GALNT8: variants seen among roughly 807,000 people sequenced by gnomAD.
GALNT8 encodes the protein polypeptide N-acetylgalactosaminyltransferase 8.
Under a neutral mutation model 62.7 loss-of-function variants are expected in GALNT8, and 66 were observed. That is an observed-to-expected ratio of 1.05 (90% CI 0.86 to 1.29). The LOEUF (loss-of-function observed/expected upper bound fraction) is 1.29. Among genes scored for constraint, GALNT8 ranks in the 50% most tolerant of loss-of-function variants. The pLI, the probability that GALNT8 is intolerant of heterozygous loss-of-function variation, is 0.00. For missense variants in GALNT8, 771 were observed against 791.8 expected, an observed-to-expected ratio of 0.97 and a Z score of 0.32; for synonymous variants, 288 against 294.3, an observed-to-expected ratio of 0.98 and a Z score of 0.22.
rs755494737 is a variant in GALNT8 at position 4,761,140 on chromosome 12, C to G, written c.1356C>G (p.Leu452=). Residue 452 remains leucine (L), a synonymous_variant, in exon 7 of 11, where the codon CTC becomes CTG. Coordinates refer to ENST00000252318, the MANE Select transcript of GALNT8 (RefSeq NM_017417.2). ...HMVYLAWNIP[L]QNSGIDFGDV... ...TCTACTTGGCCTGGAACATACCTCTCCAGGTGAGTCATGGAATTGAACAGC... is the reference window on the plus strand; with the variant it reads ...TCTACTTGGCCTGGAACATACCTCTGCAGGTGAGTCATGGAATTGAACAGC... 8.7e-6 allele frequency: 14 copies of G among 1,612,390 alleles called. No homozygotes were observed. The South Asian group carries it at 9.9e-5, about 11-fold the overall frequency.
chr12:4,737,089 G>A lies in GALNT8; in HGVS notation c.510-2074G>A, dbSNP rs138113036. 2.7e-3 allele frequency among the ~76,000 whole-genome samples: 411 copies of A among 152,186 alleles called. 1 individual carries two copies. Among genetic ancestry groups the A allele is most frequent in the African/African-American group, 9.7e-3 (401 of 41,514 alleles). ...GTACAATAATAAAAATGAAGAGTTCGACTTTCATTTTCTGGTCTGGCTTTT... is the reference window on the plus strand; with the variant it reads ...GTACAATAATAAAAATGAAGAGTTCAACTTTCATTTTCTGGTCTGGCTTTT... On this transcript the variant is annotated intron_variant, in intron 2 of 10. Coordinates refer to ENST00000252318, the MANE Select transcript of GALNT8 (RefSeq NM_017417.2).
chr12:4,733,080 A>G (rs1222409917), intron 2 of GALNT8, among the ~76,000 whole-genome samples: 1 of 152,234 alleles, frequency 6.6e-6, no homozygotes, highest in East Asian at 1.9e-4. Context: ...CTTTTTCAGT[A>G]TCTTCTGCTG....
At position 4,720,880 on chromosome 12, in the gene GALNT8, A is replaced by G. The variant is rs1307613638; in HGVS notation, c.203A>G (p.Gln68Arg). The G allele has an allele frequency of 1.9e-6, 3 of 1,576,904 alleles. No individual in the cohort carries two copies. Among genetic ancestry groups the G allele is most frequent in the African/African-American group, 2.7e-5 (2 of 74,164 alleles). The part of the protein sequence containing the change: ...KRLSHLEVEL[Q>R]DLKESMKLAL... The stretch of plus-strand genomic sequence containing the variant: ...CTCTCCCACTTGGAGGTGGAATTGC[A>G]GGATCTGAGTAAGTTTACAATGCTA... Residue 68 changes from glutamine to arginine, a missense_variant, in exon 1 of 11, where the codon CAG (glutamine) becomes CGG (arginine). Gln to Arg is a conservative substitution (Grantham distance 43). Transcript: ENST00000252318.
intron 6 of GALNT8, among the ~76,000 whole-genome samples, chr12:4,758,149 G>T (rs1186616036): frequency 2.0e-5 from 3 of 151,072 alleles, no homozygotes. Context: ...TTTTTTTTTG[G>T]ATCAAGCAGT....
At chr12:4,721,027 A>C in intron 1 of GALNT8, 139 bp downstream of exon 1, 1 of 634,004 alleles carries the variant, frequency 1.6e-6, no homozygotes, top group Non-Finnish European at 2.9e-6. Context: ...TCTGACACTG[A>C]ATTCTGTGCC....
intron 2 of GALNT8, among the ~76,000 whole-genome samples, chr12:4,734,829 T>C (rs1160299813): frequency 1.3e-5 from 2 of 151,838 alleles, no homozygotes; most frequent in African/African-American, 2.4e-5. Flanking sequence ...CTCCAAGGAG[T>C]GTGTGCTTTT....
chr12:4,751,408 C>T lies in GALNT8; in HGVS notation c.1173+5150C>T, dbSNP rs570962203. 7.2e-5 allele frequency among the ~76,000 whole-genome samples: 11 copies of T among 152,128 alleles called. No individual in the cohort carries two copies. In the South Asian group the frequency reaches 2.1e-3, roughly 29 times the overall value. The stretch of plus-strand genomic sequence containing the variant: ...ATGTAGGCACTTAGAATAAACATTC[C>T]TCTTAGTACTGTTTTTGCTATATTC... On this transcript the variant is annotated intron_variant, in intron 6 of 10. Transcript: ENST00000252318.
chr12:4,745,525 G>C lies in GALNT8; in HGVS notation c.957G>C (p.Lys319Asn). The C allele has an allele frequency of 6.2e-7, 1 of 1,613,276 alleles. No individual in the cohort carries two copies. The highest frequency in any genetic ancestry group is 8.5e-7 in the Non-Finnish European group (1 of 1,179,208). Reference sequence around the variant, plus strand: ...GTTTTGACACCTTCAAACTGGATAAGTATGAACTGGCAGTTGATGGGTTTA... The same window carrying C: ...GTTTTGACACCTTCAAACTGGATAACTATGAACTGGCAGTTGATGGGTTTA... ...NIRFDTFKLD[K>N]YELAVDGFNW... Residue 319 changes from lysine (K) to asparagine (N), a missense_variant, in exon 5 of 11, where the codon AAG becomes AAC. By Grantham distance (94) the Lys-to-Asn change is moderately conservative. Coordinates refer to ENST00000252318, the MANE Select transcript of GALNT8 (RefSeq NM_017417.2).
intron 1 of GALNT8, among the ~76,000 whole-genome samples, chr12:4,723,750 CTT>C (rs539656719): frequency 1.8e-4 from 23 of 124,888 alleles, no homozygotes; most frequent in African/African-American, 5.6e-4. Context: ...ATCACCAATG[CTT>C]TTTTTTTTTT....
At chr12:4,754,826 A>T (rs941510149) in intron 6 of GALNT8, among the ~76,000 whole-genome samples, 1 of 151,848 alleles carries the variant, frequency 6.6e-6, no homozygotes, top group African/African-American at 2.4e-5. Flanking sequence ...TGCTGCCAGG[A>T]CTGGGTCCTT....
At chr12:4,766,203 C>T (rs1305825714) in intron 10 of GALNT8, among the ~76,000 whole-genome samples, 1 of 151,898 alleles carries the variant, frequency 6.6e-6, no homozygotes, top group African/African-American at 2.4e-5. Context: ...AACACTGAGT[C>T]TCTTGACTAA....
rs118149916 is a variant in GALNT8, at chr12:4,746,146, G to A, written c.1061G>A (p.Ser354Asn). The A allele has an allele frequency of 3.5e-5, 56 of 1,581,664 alleles. No individual in the cohort carries two copies. The East Asian group carries it at 1.1e-3, about 32-fold the overall frequency. ...GACTCTTGCTGTGTGCTCTGTAGGA[G>A]TCCTTCAATCATGGGCATCCTGGCT... ...DLHDVTAPVK[S>N]PSIMGILAAN... The change falls in exon 6 of 11, where the codon AGT (serine) becomes AAT (asparagine). Residue 354 changes from serine (S) to asparagine (N), a missense_variant and splice_region_variant. By Grantham distance (46) the Ser-to-Asn change is conservative (BLOSUM62 1). Transcript: ENST00000252318.
chr12:4,723,710 C>G (rs959331316), intron 1 of GALNT8, among the ~76,000 whole-genome samples: 1 of 150,470 alleles, frequency 6.6e-6, no homozygotes, highest in Non-Finnish European at 1.5e-5. Flanking sequence ...TGAGTTGAAC[C>G]TCAAAAAGTC....
At chr12:4,751,628 G>A (rs1177458814) in intron 6 of GALNT8, among the ~76,000 whole-genome samples, 4 of 152,032 alleles carry the variant, frequency 2.6e-5, no homozygotes, top group African/African-American at 9.7e-5. Context: ...AGATGCATGC[G>A]ATTATTTTTA....
At chr12:4,756,532 T>C (rs1455081271) in intron 6 of GALNT8, among the ~76,000 whole-genome samples, 1 of 152,096 alleles carries the variant, frequency 6.6e-6, no homozygotes, top group Non-Finnish European at 1.5e-5. Context: ...ATGCTGTCTC[T>C]GCTAAGTCAC....
At chr12:4,741,859 C>A (rs535326171) in intron 3 of GALNT8, among the ~76,000 whole-genome samples, 1 of 152,298 alleles carries the variant, frequency 6.6e-6, no homozygotes, top group African/African-American at 2.4e-5. Context: ...GTCAGCCATT[C>A]TTTGGTGTTA....
intron 2 of GALNT8, among the ~76,000 whole-genome samples, chr12:4,734,254 C>G (rs917063728): frequency 2.6e-5 from 4 of 152,188 alleles, no homozygotes; most frequent in Non-Finnish European, 5.9e-5. Context: ...AAAGTGACAG[C>G]TGTGACTCGA....
chr12:4,772,155 G>A (rs1051742323), intron 10 of GALNT8, among the ~76,000 whole-genome samples: 3 of 152,204 alleles, frequency 2.0e-5, no homozygotes, highest in Non-Finnish European at 2.9e-5. Flanking sequence ...AGATGCCTTC[G>A]TTCCATGGTA....
At chr12:4,737,437 C>T (rs576119647) in intron 2 of GALNT8, among the ~76,000 whole-genome samples, 1 of 152,302 alleles carries the variant, frequency 6.6e-6, no homozygotes, top group African/African-American at 2.4e-5. Flanking sequence ...ACCAGATCCT[C>T]ACAGTAAATA....
Sources: gnomAD v4.1 joint callset for allele counts (sites outside exome capture counted in the v4.1 genomes callset) on GRCh38, gnomAD v4.1.1 for gene constraint, MANE v1.5 for transcripts, NCBI Gene and HGNC (gene_info 2026-07-23, HGNC 2026-07-21) for gene names.